Variants in SUMF1 observed in about 807,000 individuals in gnomAD.
The protein encoded by SUMF1 is formylglycine-generating enzyme.
In SUMF1, 48 loss-of-function variants were observed where a neutral mutation model predicts 47.6. That is an observed-to-expected ratio of 1.01 (90% CI 0.80 to 1.28). The LOEUF (loss-of-function observed/expected upper bound fraction) is 1.28, where lower values mean the gene tolerates loss of function less well. SUMF1 is among the 50% of genes most tolerant of loss of function. The pLI is 0.00. For synonymous variants in SUMF1, 230 were observed against 192.1 expected, an observed-to-expected ratio of 1.20 and a Z score of -1.63; for missense variants, 571 against 485.4, an observed-to-expected ratio of 1.18 and a Z score of -1.66.
chr3:4,237,361 C>T (rs1217774799), intron 8 of SUMF1, among the ~76,000 whole-genome samples: 1 of 152,040 alleles, frequency 6.6e-6, no homozygotes, highest in Non-Finnish European at 1.5e-5. Flanking sequence ...TTTAAATTTG[C>T]AATTCCATAA....
At chr3:4,191,681 G>A (rs1695318388) in intron 8 of SUMF1, among the ~76,000 whole-genome samples, 1 of 152,040 alleles carries the variant, frequency 6.6e-6, no homozygotes, top group Non-Finnish European at 1.5e-5. Flanking sequence ...TGTAAGATGA[G>A]GACAAGAGAG....
At chr3:4,237,905 T>C (rs1009727190) in intron 8 of SUMF1, among the ~76,000 whole-genome samples, 8 of 152,294 alleles carry the variant, frequency 5.3e-5, no homozygotes, top group Middle Eastern at 3.4e-3. Context: ...ACATTAGGTA[T>C]TGGTCCTAAT....
At chr3:4,104,600 G>A (rs1201629316) in intron 8 of SUMF1, among the ~76,000 whole-genome samples, 2 of 151,862 alleles carry the variant, frequency 1.3e-5, no homozygotes, top group East Asian at 3.9e-4. Flanking sequence ...CCACCCTGCT[G>A]GGCCACCTCA....
intron 8 of SUMF1, among the ~76,000 whole-genome samples, chr3:4,216,548 A>C (rs1695929051): frequency 6.6e-6 from 1 of 152,198 alleles, no homozygotes; most frequent in African/African-American, 2.4e-5. Flanking sequence ...AATGGGATCT[A>C]ACTAAATTAA....
At chr3:4,080,727 CT>C (rs1206756855) in intron 8 of SUMF1, among the ~76,000 whole-genome samples, 1 of 152,058 alleles carries the variant, frequency 6.6e-6, no homozygotes, top group Non-Finnish European at 1.5e-5. Context: ...CATATTTGTA[CT>C]AGATAATTTT....
chr3:4,454,718 A>G (rs1272184955), intron 1 of SUMF1, among the ~76,000 whole-genome samples: 5 of 152,266 alleles, frequency 3.3e-5, no homozygotes, highest in East Asian at 1.9e-4. Flanking sequence ...AATTTGGTAT[A>G]TCTATAAAAT....
At chr3:4,180,848 G>C (rs539572536) in intron 8 of SUMF1, among the ~76,000 whole-genome samples, 71 of 151,998 alleles carry the variant, frequency 4.7e-4, no homozygotes, top group African/African-American at 1.6e-3. Flanking sequence ...GTGAAACCCT[G>C]TCTCAACAAA....
chr3:4,445,359 A>G (rs1228436296), intron 3 of SUMF1, among the ~76,000 whole-genome samples: 1 of 152,172 alleles, frequency 6.6e-6, no homozygotes, highest in African/African-American at 2.4e-5. Context: ...CTCCCCAGAG[A>G]CAGGGTCTCA....
intron 8 of SUMF1, among the ~76,000 whole-genome samples, chr3:4,119,620 G>C (rs927362594): frequency 6.6e-6 from 1 of 152,086 alleles, no homozygotes; most frequent in Non-Finnish European, 1.5e-5. Flanking sequence ...CTTCTTCAGT[G>C]TTCCCAATAT....
chr3:4,071,635 T>C (rs1574857202), intron 8 of SUMF1, among the ~76,000 whole-genome samples: 1 of 152,300 alleles, frequency 6.6e-6, no homozygotes, highest in East Asian at 1.9e-4. Context: ...GCATCCGCCA[T>C]TGCTGAGGCT....
intron 8 of SUMF1, among the ~76,000 whole-genome samples, chr3:4,346,538 G>A (rs181060342): frequency 1.8e-4 from 27 of 152,214 alleles, no homozygotes; most frequent in African/African-American, 6.0e-4. Context: ...AGAGTTAAGA[G>A]GGAAATTTAT....
In SUMF1 at chr3:4,434,554, T is replaced by A. The variant is rs112324518; in HGVS notation, c.520-14408A>T. On this transcript the variant is annotated intron_variant, in intron 3 of 8. Coordinates refer to ENST00000272902, the MANE Select transcript of SUMF1 (RefSeq NM_182760.4). Reference sequence around the variant, plus strand: ...TCCACTGGAAGAAACTAGAACAATGTCATTTACTAAAAGGCCTTCTATGTG... The same window carrying A: ...TCCACTGGAAGAAACTAGAACAATGACATTTACTAAAAGGCCTTCTATGTG... 4.7e-3 allele frequency among the ~76,000 whole-genome samples: 719 copies of A among 152,322 alleles called. 9 individuals are homozygous for A. The highest frequency in any genetic ancestry group is 0.017 in the African/African-American group (687 of 41,562).
intron 8 of SUMF1, among the ~76,000 whole-genome samples, chr3:4,372,320 A>C (rs941577689): frequency 6.6e-6 from 1 of 152,226 alleles, no homozygotes; most frequent in Non-Finnish European, 1.5e-5. Context: ...AATTTACTTT[A>C]GCCAGGCAAA....
chr3:4,363,776 G>A (rs1405605769), intron 8 of SUMF1, among the ~76,000 whole-genome samples: 1 of 119,770 alleles, frequency 8.3e-6, no homozygotes, highest in African/African-American at 3.3e-5. Flanking sequence ...TAGGAGTGGT[G>A]AGAGAGGGCA....
At chr3:4,088,086 T>G (rs1401369845) in intron 8 of SUMF1, among the ~76,000 whole-genome samples, 1 of 152,078 alleles carries the variant, frequency 6.6e-6, no homozygotes, top group African/African-American at 2.4e-5. Context: ...GTCAGTGAGA[T>G]GTATACTTTG....
chr3:4,208,128 C>G (rs575377495), intron 8 of SUMF1, among the ~76,000 whole-genome samples: 1 of 152,140 alleles, frequency 6.6e-6, no homozygotes, highest in South Asian at 2.1e-4. Flanking sequence ...TTTATTATAG[C>G]CTAAATTGCT....
intron 8 of SUMF1, among the ~76,000 whole-genome samples, chr3:4,084,531 G>C (rs529858049): frequency 6.6e-6 from 1 of 152,140 alleles, no homozygotes; most frequent in East Asian, 1.9e-4. Context: ...AAAATTACTT[G>C]ATTAGTAAGA....
At chr3:4,440,470 A>T (rs1353078174) in intron 3 of SUMF1, among the ~76,000 whole-genome samples, 1 of 152,186 alleles carries the variant, frequency 6.6e-6, no homozygotes, top group African/African-American at 2.4e-5. Context: ...ACCCACACAC[A>T]TTCAGGTAAC....
intron 8 of SUMF1, among the ~76,000 whole-genome samples, chr3:4,311,587 C>T (rs560194894): frequency 2.6e-5 from 4 of 152,182 alleles, no homozygotes; most frequent in Non-Finnish European, 5.9e-5. Flanking sequence ...CACTTCTGAA[C>T]AATGAGATTA....
Sources: gnomAD v4.1 joint callset for allele counts (sites outside exome capture counted in the v4.1 genomes callset) on GRCh38, gnomAD v4.1.1 for gene constraint, MANE v1.5 for transcripts, NCBI Gene and HGNC (gene_info 2026-07-23, HGNC 2026-07-21) for gene names.